CADPS2: variants seen among roughly 807,000 people sequenced by gnomAD.
CADPS2 encodes calcium-dependent secretion activator 2.
In CADPS2, 93 loss-of-function variants were observed where a neutral mutation model predicts 172.5. The ratio of observed to expected loss-of-function variants is 0.54; its 90% CI spans 0.46 to 0.64. CADPS2 has a LOEUF of 0.64. Ranked by LOEUF, CADPS2 falls within the 30% of genes least tolerant of loss-of-function variation. The pLI, the probability that CADPS2 is intolerant of heterozygous loss-of-function variation, is 0.00. For synonymous variants in CADPS2, 546 were observed against 555.2 expected (o/e 0.98, Z 0.23); for missense variants, 1,420 against 1,565.9 (o/e 0.91, Z 1.57).
rs546653529 is a variant in CADPS2, at chr7:122,771,189, C to T, written c.340-34121G>A. Among the ~76,000 whole-genome samples, 6 of 152,272 alleles carry T rather than the reference C, an allele frequency of 3.9e-5. No individual in the cohort carries two copies. In the South Asian group the frequency reaches 1.2e-3, roughly 32 times the overall value. ...AGGAGTTGACAGCTGCAGCCTTGGG[C>T]TGTTAAAGTCTGGAGAAACATTGCT... On this transcript the variant is annotated intron_variant, in intron 1 of 29. Coordinates refer to ENST00000449022, the MANE Select transcript of CADPS2 (RefSeq NM_017954.11).
At chr7:122,358,269 T>C (rs1257026162) in intron 27 of CADPS2, among the ~76,000 whole-genome samples, 1 of 152,168 alleles carries the variant, frequency 6.6e-6, no homozygotes, top group Non-Finnish European at 1.5e-5. Context: ...TGCATATCTT[T>C]CTTGTTGCAG....
intron 7 of CADPS2, among the ~76,000 whole-genome samples, chr7:122,574,598 T>C (rs1587474754): frequency 1.3e-5 from 2 of 151,674 alleles, no homozygotes; most frequent in East Asian, 3.9e-4. Context: ...CCTCTAAAAT[T>C]TCATGTCCCA....
intron 6 of CADPS2, among the ~76,000 whole-genome samples, chr7:122,614,477 A>C (rs763892413): frequency 2.0e-5 from 3 of 152,178 alleles, no homozygotes; most frequent in Non-Finnish European, 4.4e-5. Flanking sequence ...ATTTAGAATA[A>C]AGATTAAATA....
chr7:122,399,094 T>C (rs2045559727), intron 20 of CADPS2, among the ~76,000 whole-genome samples: 1 of 152,170 alleles, frequency 6.6e-6, no homozygotes, highest in South Asian at 2.1e-4. Context: ...TATATATTTA[T>C]ACACCTATAC....
intron 1 of CADPS2, among the ~76,000 whole-genome samples, chr7:122,879,868 T>A (rs1822395423): frequency 6.6e-6 from 1 of 152,196 alleles, no homozygotes; most frequent in African/African-American, 2.4e-5. Flanking sequence ...ACGTACCTTT[T>A]TAATAAGATT....
intron 14 of CADPS2, among the ~76,000 whole-genome samples, chr7:122,458,143 A>G (rs557811971): frequency 5.9e-5 from 9 of 152,290 alleles, no homozygotes; most frequent in Admixed American, 5.9e-4. Context: ...TCCTCTAGGG[A>G]AAGTGAGAAG....
intron 2 of CADPS2, among the ~76,000 whole-genome samples, chr7:122,713,671 A>ACTTTTC (rs376100885): frequency 6.6e-6 from 1 of 152,116 alleles, no homozygotes; most frequent in African/African-American, 2.4e-5. Context: ...TCCATATATA[A>ACTTTTC]CATATATTCT....
intron 17 of CADPS2, among the ~76,000 whole-genome samples, chr7:122,431,411 C>A (rs549108545): frequency 3.3e-5 from 5 of 152,060 alleles, no homozygotes; most frequent in Non-Finnish European, 5.9e-5. Flanking sequence ...GAAAATAAAG[C>A]AGGAGAGGGG....
chr7:122,841,698 A>C (rs1386700846), intron 1 of CADPS2, among the ~76,000 whole-genome samples: 1 of 152,190 alleles, frequency 6.6e-6, no homozygotes, highest in Non-Finnish European at 1.5e-5. Flanking sequence ...ATCTCCACAC[A>C]CCATTAAATA....
chr7:122,755,125 TATG>T lies in CADPS2; in HGVS notation c.340-18060_340-18058del, dbSNP rs750379958. 5.3e-5 allele frequency among the ~76,000 whole-genome samples: 8 copies of T among 152,322 alleles called. No individual in the cohort carries two copies. The East Asian group carries it at 9.7e-4, about 18-fold the overall frequency. ...AATAAAAACATTTGCTACTGAGCAGTATGATGACAATTACACCAAATCTAGATT... is the reference window on the plus strand; with the variant it reads ...AATAAAAACATTTGCTACTGAGCAGTATGACAATTACACCAAATCTAGATT... On this transcript the variant is annotated intron_variant, in intron 1 of 29. Coordinates refer to ENST00000449022, the MANE Select transcript of CADPS2 (RefSeq NM_017954.11).
At chr7:122,498,727 C>CT (rs2058958523) in intron 9 of CADPS2, among the ~76,000 whole-genome samples, 1 of 152,068 alleles carries the variant, frequency 6.6e-6, no homozygotes, top group Admixed American at 6.5e-5. Flanking sequence ...TGCTGGTTCA[C>CT]TTTGCATACT....
At chr7:122,791,517 C>G (rs950267535) in intron 1 of CADPS2, among the ~76,000 whole-genome samples, 1 of 152,068 alleles carries the variant, frequency 6.6e-6, no homozygotes, top group Non-Finnish European at 1.5e-5. Context: ...ATAATAGCTG[C>G]CCATTAACAG....
Position 122,471,357 on chromosome 7 carries a change from A to G in CADPS2, c.2186+18T>C, listed in dbSNP as rs2055912560. The G allele has an allele frequency of 6.4e-7, 1 of 1,573,884 alleles. No individual in the cohort carries two copies. Among genetic ancestry groups the G allele is most frequent in the Non-Finnish European group, 8.6e-7 (1 of 1,157,036 alleles). On this transcript the variant is annotated intron_variant, in intron 14 of 29. Coordinates refer to ENST00000449022, the MANE Select transcript of CADPS2 (RefSeq NM_017954.11). ...GTCAACCCCATACATTTCACTTTGT[A>G]TTTGCAAGTAAAAATACCTGTTGCC...
chr7:122,800,727 G>A (rs1178799334), intron 1 of CADPS2, among the ~76,000 whole-genome samples: 5 of 152,184 alleles, frequency 3.3e-5, no homozygotes, highest in South Asian at 2.1e-4. Context: ...GGTGGCTCAC[G>A]TCTGTAATCC....
At chr7:122,593,724 TG>T (rs2071280985) in intron 6 of CADPS2, among the ~76,000 whole-genome samples, 1 of 148,140 alleles carries the variant, frequency 6.8e-6, no homozygotes, top group Admixed American at 6.7e-5. Context: ...CCAGACAATA[TG>T]AAAAAAAAGA....
At chr7:122,826,870 C>T (rs909106585) in intron 1 of CADPS2, among the ~76,000 whole-genome samples, 4 of 151,768 alleles carry the variant, frequency 2.6e-5, no homozygotes, top group African/African-American at 4.8e-5. Flanking sequence ...TAATCTCTCA[C>T]GTTAAGAACC....
intron 28 of CADPS2, among the ~76,000 whole-genome samples, chr7:122,332,247 C>T (rs1483986769): frequency 6.6e-6 from 1 of 152,148 alleles, no homozygotes; most frequent in African/African-American, 2.4e-5. Context: ...CATATACTCT[C>T]TTAAGACTCA....
chr7:122,551,880 A>G (rs2064349063), intron 8 of CADPS2, among the ~76,000 whole-genome samples: 1 of 152,194 alleles, frequency 6.6e-6, no homozygotes, highest in Non-Finnish European at 1.5e-5. Context: ...ACTTGGAAGA[A>G]AAAGATTAAC....
intron 29 of CADPS2, among the ~76,000 whole-genome samples, chr7:122,323,889 A>T (rs948423905): frequency 8.4e-4 from 11 of 13,076 alleles, no homozygotes; most frequent in Non-Finnish European, 2.8e-3. Context: ...ATATATATAT[A>T]TATATATATA....
Sources: allele counts gnomAD v4.1 joint callset (sites outside exome capture counted in the v4.1 genomes callset), GRCh38; gene constraint gnomAD v4.1.1; transcripts MANE v1.5; gene names NCBI Gene and HGNC (gene_info 2026-07-23, HGNC 2026-07-21).